Variants in PCTP observed in about 807,000 individuals in gnomAD.
PCTP encodes the protein START domain-containing protein 2.
PCTP carries 27 observed loss-of-function variants against 31.0 expected under a neutral mutation model. The ratio of observed to expected loss-of-function variants is 0.87; its 90% CI spans 0.64 to 1.20. PCTP has a LOEUF of 1.20. PCTP is among the 50% of genes most tolerant of loss of function. The pLI is 0.00. For missense variants in PCTP, 287 were observed against 268.2 expected, an observed-to-expected ratio of 1.07 and a Z score of -0.49; for synonymous variants, 108 against 101.2, an observed-to-expected ratio of 1.07 and a Z score of -0.40.
intron 5 of PCTP, among the ~76,000 whole-genome samples, chr17:55,840,019 T>C (rs1404499644): frequency 6.6e-6 from 1 of 150,560 alleles, no homozygotes; most frequent in African/African-American, 2.5e-5. Flanking sequence ...TTTAAAGTGA[T>C]GGATGTCTTT....
At chr17:55,790,886 G>C (rs9674531) in intron 3 of PCTP, among the ~76,000 whole-genome samples, 1 of 147,706 alleles carries the variant, frequency 6.8e-6, no homozygotes, top group Admixed American at 6.6e-5. Flanking sequence ...GAGGCATCAC[G>C]CTACCTGACT....
chr17:55,818,424 C>A (rs895143630), intron 3 of PCTP, among the ~76,000 whole-genome samples: 27 of 152,162 alleles, frequency 1.8e-4, no homozygotes, highest in African/African-American at 6.3e-4. Flanking sequence ...TTGCTCTAAG[C>A]AGATAGATCT....
intron 5 of PCTP, among the ~76,000 whole-genome samples, chr17:55,832,758 G>A (rs1905644907): frequency 6.6e-6 from 1 of 152,184 alleles, no homozygotes; most frequent in African/African-American, 2.4e-5. Context: ...TGTTCGATGG[G>A]CTAAAACAAT....
chr17:55,771,839 T>C (rs535110056), intron 3 of PCTP, among the ~76,000 whole-genome samples: 1 of 151,552 alleles, frequency 6.6e-6, no homozygotes, highest in East Asian at 1.9e-4. Flanking sequence ...ATTTTGGGGG[T>C]GGGTAGGATG....
chr17:55,767,110 T>G (rs1910705994), intron 1 of PCTP, among the ~76,000 whole-genome samples: 1 of 152,182 alleles, frequency 6.6e-6, no homozygotes, highest in African/African-American at 2.4e-5. Flanking sequence ...GATGGGGTTG[T>G]TTGTTTTTTT....
chr17:55,841,557 C>T (rs368226441), intron 5 of PCTP, among the ~76,000 whole-genome samples: 1 of 152,124 alleles, frequency 6.6e-6, no homozygotes, highest in African/African-American at 2.4e-5. Context: ...CCAGTTTTCT[C>T]CTTTACCTCT....
At chr17:55,846,532 T>A (rs1372538724), downstream of PCTP, among the ~76,000 whole-genome samples, 1 of 152,158 alleles carries the variant, frequency 6.6e-6, no homozygotes, top group Non-Finnish European at 1.5e-5. Context: ...GGGGAAATGA[T>A]CTTCTAGCTA....
chr17:55,847,655 T>A (rs1906175605), downstream of PCTP, among the ~76,000 whole-genome samples: 1 of 152,156 alleles, frequency 6.6e-6, no homozygotes, highest in Non-Finnish European at 1.5e-5. Flanking sequence ...TAAGTTCCAG[T>A]CTGAAAGCTG....
At position 55,765,757 on chromosome 17, in the gene PCTP, A is replaced by G. The variant is rs973817369; in HGVS notation, c.142-1578A>G. ...CCATTAGTTTTCCATAGCAATGAGA[A>G]TAAAATCTTTACCTCTTACCCTGGT... On this transcript the variant is annotated intron_variant, in intron 1 of 5. Coordinates refer to ENST00000268896, the MANE Select transcript of PCTP (RefSeq NM_021213.4). Among the ~76,000 whole-genome samples the G allele has an allele frequency of 6.6e-5, 10 of 152,336 alleles. 2 individuals carry two copies. The highest frequency in any genetic ancestry group is 3.9e-4 in the Admixed American group (6 of 15,302).
At chr17:55,756,741 G>GTATA (rs941265113) in intron 1 of PCTP, among the ~76,000 whole-genome samples, 1 of 150,198 alleles carries the variant, frequency 6.7e-6, no homozygotes, top group African/African-American at 2.5e-5. Context: ...GTGTGTGTGT[G>GTATA]TATATATGTA....
chr17:55,825,224 A>G (rs1378650990), downstream of PCTP, among the ~76,000 whole-genome samples: 1 of 152,160 alleles, frequency 6.6e-6, no homozygotes, highest in Non-Finnish European at 1.5e-5. Flanking sequence ...GCCCAGTGAG[A>G]AGTTAGTTGT....
chr17:55,849,537 C>T, the PCTP span, among the ~76,000 whole-genome samples: 1 of 152,162 alleles, frequency 6.6e-6, no homozygotes, highest in East Asian at 1.9e-4. Context: ...GCAGGAGAAT[C>T]GCTTGAACCC....
chr17:55,830,824 G>A (rs1905570340), intron 5 of PCTP, among the ~76,000 whole-genome samples: 1 of 152,204 alleles, frequency 6.6e-6, no homozygotes. Flanking sequence ...TCTGGGAGAA[G>A]GCTTAGACAT....
Position 55,814,981 on chromosome 17 carries a change from G to A in PCTP, c.318-7780G>A, listed in dbSNP as rs1265222714. On this transcript the variant is annotated intron_variant, in intron 3 of 3. Transcript: ENST00000572536. The stretch of plus-strand genomic sequence containing the variant: ...GAGAAACTCAGAAACCAAGAACAGT[G>A]AAAAATTGTGGCAGATCCTCAGGAA... Among the ~76,000 whole-genome samples the A allele has an allele frequency of 1.3e-5, 2 of 152,096 alleles. 1 individual carries two copies. Among genetic ancestry groups the A allele is most frequent in the East Asian group, 3.9e-4 (2 of 5,192 alleles).
rs540562274 is a variant in PCTP, at chr17:55,757,216, GTA to G, written c.141+5981_141+5982del. On this transcript the variant is annotated intron_variant, in intron 1 of 5. Transcript: ENST00000268896. ...CACACATGCTTGTGTGTGTATATAT[GTA>G]TATATATACACATATATACATGTAT... 4.7e-3 allele frequency among the ~76,000 whole-genome samples: 702 copies of G among 149,628 alleles called. 6 individuals carry two copies. Among genetic ancestry groups the G allele is most frequent in the African/African-American group, 0.016 (660 of 40,656 alleles).
intron 5 of PCTP, among the ~76,000 whole-genome samples, chr17:55,835,264 G>A (rs141540943): frequency 7.9e-5 from 12 of 152,280 alleles, no homozygotes; most frequent in African/African-American, 2.9e-4. Flanking sequence ...ACCAGTTCAT[G>A]GGACTTCATT....
rs1323719612 is a variant in PCTP, at chr17:55,776,986, T to C, written c.*886T>C. On this transcript the variant is annotated 3_prime_UTR_variant, in exon 6 of 6. Coordinates refer to ENST00000268896, the MANE Select transcript of PCTP (RefSeq NM_021213.4). ...TATCTTTCTATGCAATAAGATGAAT[T>C]TTCCTCCCAGAATATTTAGAAATGT... 3 of 985,676 alleles carry C rather than the reference T, an allele frequency of 3.0e-6. No individual in the cohort carries two copies. The highest frequency in any genetic ancestry group is 5.2e-4 in the Middle Eastern group (1 of 1,914). 61.1% of individuals were successfully genotyped at this position (985,676 alleles called of 1,614,324 possible).
chr17:55,788,787 T>A (rs1035355562), intron 3 of PCTP, among the ~76,000 whole-genome samples: 8 of 152,198 alleles, frequency 5.3e-5, no homozygotes, highest in African/African-American at 1.9e-4. Flanking sequence ...GGGGGAAATT[T>A]GCCTGTCCCT....
At chr17:55,764,687 G>C (rs1233387184) in intron 1 of PCTP, among the ~76,000 whole-genome samples, 1 of 152,150 alleles carries the variant, frequency 6.6e-6, no homozygotes, top group East Asian at 1.9e-4. Context: ...ACCCAAGCTA[G>C]AAGACCCTTA....
Sources: gnomAD v4.1 joint callset for allele counts (sites outside exome capture counted in the v4.1 genomes callset) on GRCh38, gnomAD v4.1.1 for gene constraint, MANE v1.5 for transcripts, NCBI Gene and HGNC (gene_info 2026-07-23, HGNC 2026-07-21) for gene names.